Variants in ATP8A2 observed in about 807,000 individuals in gnomAD.
ATP8A2 encodes the protein ATPase phospholipid transporting 8A2.
A neutral mutation model predicts 165.6 loss-of-function variants in ATP8A2; 100 were observed. That is an observed-to-expected ratio of 0.60 (90% CI 0.51 to 0.71). ATP8A2 has a LOEUF of 0.71. Ranked by LOEUF, ATP8A2 falls within the 30% of genes least tolerant of loss-of-function variation. The probability of loss-of-function intolerance (pLI) is 0.00; values close to 1 mark genes in which losing one functional copy is unlikely to be tolerated. For synonymous variants in ATP8A2, 543 were observed against 548.8 expected, an observed-to-expected ratio of 0.99 and a Z score of 0.15; for missense variants, 1,227 against 1,479.5, an observed-to-expected ratio of 0.83 and a Z score of 2.80.
intron 28 of ATP8A2, among the ~76,000 whole-genome samples, chr13:25,834,886 G>A (rs912267780): frequency 6.6e-6 from 1 of 152,110 alleles, no homozygotes; most frequent in Non-Finnish European, 1.5e-5. Flanking sequence ...AGCTGGTCTC[G>A]AACTCCTGTC....
intron 1 of ATP8A2, among the ~76,000 whole-genome samples, chr13:25,385,225 G>C (rs1258988225): frequency 6.6e-6 from 1 of 152,094 alleles, no homozygotes; most frequent in Non-Finnish European, 1.5e-5. Context: ...ACTGAGCTGT[G>C]CTATTTCATG....
chr13:25,516,363 G>T (rs1401828989), intron 2 of ATP8A2, among the ~76,000 whole-genome samples: 3 of 152,184 alleles, frequency 2.0e-5, no homozygotes, highest in Non-Finnish European at 4.4e-5. Flanking sequence ...TCTCAGAGTG[G>T]CTGCTGCTCC....
chr13:25,415,287 C>T (rs2034100298), intron 1 of ATP8A2, among the ~76,000 whole-genome samples: 1 of 152,162 alleles, frequency 6.6e-6, no homozygotes, highest in South Asian at 2.1e-4. Flanking sequence ...TGCTTGACTG[C>T]CCTTTCTCTC....
chr13:25,507,937 A>G (rs1179641921), intron 2 of ATP8A2, among the ~76,000 whole-genome samples: 1 of 152,214 alleles, frequency 6.6e-6, no homozygotes, highest in Non-Finnish European at 1.5e-5. Flanking sequence ...GGAAAGATCA[A>G]CAAACCAGTG....
intron 1 of ATP8A2, among the ~76,000 whole-genome samples, chr13:25,458,325 C>T (rs911755022): frequency 3.3e-5 from 5 of 152,206 alleles, no homozygotes; most frequent in African/African-American, 1.2e-4. Context: ...CTCACACTTA[C>T]AAGAGTTGGA....
intron 24 of ATP8A2, among the ~76,000 whole-genome samples, chr13:25,607,907 T>C (rs1438701917): frequency 6.6e-6 from 1 of 152,248 alleles, no homozygotes; most frequent in Admixed American, 6.5e-5. Flanking sequence ...TCTTTTTTGG[T>C]AACTCTTGTT....
At chr13:25,810,100 A>G (rs1279016874) in intron 27 of ATP8A2, among the ~76,000 whole-genome samples, 1 of 152,316 alleles carries the variant, frequency 6.6e-6, no homozygotes, top group Non-Finnish European at 1.5e-5. Flanking sequence ...AACAGTTGCC[A>G]TAACAGCTTT....
intron 24 of ATP8A2, among the ~76,000 whole-genome samples, chr13:25,597,920 A>G (rs773107353): frequency 4.0e-5 from 6 of 151,204 alleles, no homozygotes; most frequent in Non-Finnish European, 7.4e-5. Flanking sequence ...TTTTGCTGTG[A>G]TTAGAGCTTT....
intron 36 of ATP8A2, among the ~76,000 whole-genome samples, chr13:26,016,699 T>C (rs1956983436): frequency 6.6e-6 from 1 of 152,062 alleles, no homozygotes; most frequent in South Asian, 2.1e-4. Context: ...AATAGGTAGT[T>C]AATTATTCTT....
intron 4 of ATP8A2, among the ~76,000 whole-genome samples, chr13:25,531,226 GTT>G: frequency 9.0e-6 from 1 of 111,438 alleles, no homozygotes; most frequent in African/African-American, 3.4e-5. Flanking sequence ...TATGATATAT[GTT>G]ATATATGATA....
rs570279632 is a variant in ATP8A2 at position 26,012,796 on chromosome 13, G to C, written c.3469+174G>C. On this transcript the variant is annotated intron_variant, in intron 36 of 36. Transcript: ENST00000381655. ...AAAATGTGTATTTGGCCCCAGGAAC[G>C]TGCAGCTTGAGTGTAGGCAATTCCC... 4.5e-4 allele frequency among the ~76,000 whole-genome samples: 69 copies of C among 152,130 alleles called. 1 individual carries two copies. The highest frequency in any genetic ancestry group is 9.0e-4 in the Non-Finnish European group (61 of 68,012).
chr13:25,759,797 A>G (rs952150484), intron 25 of ATP8A2, among the ~76,000 whole-genome samples: 1 of 152,208 alleles, frequency 6.6e-6, no homozygotes, highest in African/African-American at 2.4e-5. Context: ...ATAAAACTGT[A>G]TATAATTCAC....
At chr13:25,825,347 T>TG (rs767190553) in intron 27 of ATP8A2, among the ~76,000 whole-genome samples, 3 of 151,522 alleles carry the variant, frequency 2.0e-5, no homozygotes, top group Non-Finnish European at 4.4e-5. Flanking sequence ...TTTGTAGAGA[T>TG]GGGGTCTCAC....
chr13:26,003,998 G>C (rs1956689068), intron 35 of ATP8A2, among the ~76,000 whole-genome samples: 2 of 152,030 alleles, frequency 1.3e-5, no homozygotes, highest in African/African-American at 2.4e-5. Context: ...TTTGGCTATT[G>C]AGGGTCTTTT....
chr13:25,429,048 G>A (rs1208808021), intron 1 of ATP8A2, among the ~76,000 whole-genome samples: 2 of 152,176 alleles, frequency 1.3e-5, no homozygotes, highest in East Asian at 3.9e-4. Flanking sequence ...TGCCATACCA[G>A]GGGAAGTAGA....
At chr13:25,512,197 T>TG (rs369889582) in intron 2 of ATP8A2, among the ~76,000 whole-genome samples, 7,976 of 150,428 alleles carry the variant, frequency 0.053, 270 homozygotes, top group South Asian at 0.12. Context: ...AGCACAGGGT[T>TG]GGGGGTAAGG....
intron 30 of ATP8A2, among the ~76,000 whole-genome samples, chr13:25,857,718 G>T (rs1018604521): frequency 6.6e-6 from 1 of 151,734 alleles, no homozygotes; most frequent in Non-Finnish European, 1.5e-5. Context: ...ATTCAGGCAG[G>T]TGCCATCATG....
intron 33 of ATP8A2, among the ~76,000 whole-genome samples, chr13:25,937,362 C>CTTTCTTTCTTTTTTTTTTTTTTTT: frequency 2.6e-5 from 1 of 38,806 alleles, no homozygotes; most frequent in Non-Finnish European, 5.5e-5. Flanking sequence ...TTCTTTCTTT[C>CTTTCTTTCTTTTTTTTTTTTTTTT]TTTTTTTTTT....
intron 16 of ATP8A2, chr13:25,567,265 G>A: frequency 2.2e-6 from 1 of 456,052 alleles, no homozygotes; most frequent in Non-Finnish European, 4.4e-6. Flanking sequence ...GTCCTCTGTT[G>A]ATGTTTGAAT....
Sources: gnomAD v4.1 joint callset for allele counts (sites outside exome capture counted in the v4.1 genomes callset) on GRCh38, gnomAD v4.1.1 for gene constraint, MANE v1.5 for transcripts, NCBI Gene and HGNC (gene_info 2026-07-23, HGNC 2026-07-21) for gene names.